Variants in SH2D3C observed in about 807,000 individuals in gnomAD.
SH2D3C encodes SH2 domain containing 3C.
In SH2D3C, 25 loss-of-function variants were observed where a neutral mutation model predicts 75.2. That is an observed-to-expected ratio of 0.33 (90% confidence interval 0.24 to 0.46). The LOEUF (loss-of-function observed/expected upper bound fraction) is 0.46. Ranked by LOEUF, SH2D3C falls within the 20% of genes least tolerant of loss-of-function variation. SH2D3C has a pLI of 1.00. For missense variants in SH2D3C, 933 were observed against 1,165.3 expected (o/e 0.80, Z 2.90); for synonymous variants, 450 against 473.7 (o/e 0.95, Z 0.65).
rs536525191 is a variant in SH2D3C at position 127,738,535 on chromosome 9, T to C, written c.*211A>G. 9 of 423,486 alleles carry C rather than the reference T, an allele frequency of 2.1e-5. No homozygotes were observed. The highest frequency in any genetic ancestry group is 3.3e-5 in the Non-Finnish European group (8 of 244,568). 26.2% of individuals were successfully genotyped at this position (423,486 alleles called of 1,614,324 possible). Reference sequence around the variant, plus strand: ...AAGCTGGTGGGGGAACCGGCGTTCCTGTTCTTCCTCAATGGAGACCTGGTG... The same window carrying C: ...AAGCTGGTGGGGGAACCGGCGTTCCCGTTCTTCCTCAATGGAGACCTGGTG... On this transcript the variant is annotated 3_prime_UTR_variant, in exon 12 of 12. Transcript: ENST00000314830. The surrounding 1 kb of genome is among the most constrained non-coding windows in gnomAD (Gnocchi z 5.0).
At position 127,742,943 on chromosome 9, in the gene SH2D3C, T is replaced by C. The variant is rs772926498; in HGVS notation, c.1822A>G (p.Thr608Ala). The C allele has an allele frequency of 1.2e-5, 20 of 1,613,552 alleles. No homozygotes were observed. In the East Asian group the frequency reaches 3.6e-4, roughly 29 times the overall value. ...CCCATTAGGGTCTGCATCTCCTTGG[T>C]AACGCCCAGTATCCTAGCAACCTGC... ...DCLVARILGV[T>A]KEMQTLMGVR... The change falls in exon 8 of 12, where the codon ACC becomes GCC. Residue 608 changes from threonine to alanine, a missense_variant. Coordinates refer to ENST00000314830, the MANE Select transcript of SH2D3C (RefSeq NM_170600.3).
At position 127,747,138 on chromosome 9, in the gene SH2D3C, T is replaced by C; in HGVS notation, c.1264+9A>G. 6.2e-7 allele frequency: 1 copy of C among 1,612,480 alleles called. No homozygotes were observed. Among genetic ancestry groups the C allele is most frequent in the Non-Finnish European group, 8.5e-7 (1 of 1,179,460 alleles). ...CCTCCACCTGCTCCACCCCCTCTGCTGGCCATACCAGTGCTGTAGGCAGGG... is the reference window on the plus strand; with the variant it reads ...CCTCCACCTGCTCCACCCCCTCTGCCGGCCATACCAGTGCTGTAGGCAGGG... On this transcript the variant is annotated intron_variant, in intron 6 of 11. Transcript: ENST00000314830.
At chr9:127,753,651 TCTCTCC>T (rs199738970) in intron 3 of SH2D3C, among the ~76,000 whole-genome samples, 1,645 of 152,292 alleles carry the variant, frequency 0.011, 11 homozygotes, top group Middle Eastern at 0.017. Flanking sequence ...GTCCCTGGTC[TCTCTCC>T]CTCTCACTCT....
Position 127,754,929 on chromosome 9 carries a change from C to A in SH2D3C, c.556-3629G>T. On this transcript the variant is annotated intron_variant, in intron 3 of 11. Coordinates refer to ENST00000314830, the MANE Select transcript of SH2D3C (RefSeq NM_170600.3). The surrounding 1 kb of genome is among the most constrained non-coding windows in gnomAD (Gnocchi z 4.4). ...CCCAGAGGTGAGGCTGGGGTGACCC[C>A]GCCCCCTCCCCGGGTCGGCCGGGCC... 2.0e-6 allele frequency: 1 copy of A among 512,330 alleles called. No individual in the cohort carries two copies. The allele number at this position is 512,330 out of a possible 1,614,324, so 31.7% of individuals were successfully genotyped here. A position where few individuals can be genotyped will look rare whatever the true frequency, so the allele number is the denominator to read the frequency against.
At chr9:127,765,884 G>A (rs747278848) in intron 2 of SH2D3C, among the ~76,000 whole-genome samples, 4 of 152,078 alleles carry the variant, frequency 2.6e-5, no homozygotes, top group Non-Finnish European at 4.4e-5. Context: ...AGTGATAATT[G>A]AGCTAAATCA....
chr9:127,751,922 T>C lies in SH2D3C; in HGVS notation c.556-622A>G, dbSNP rs1845213670. On this transcript the variant is annotated intron_variant, in intron 3 of 11. Coordinates refer to ENST00000314830, the MANE Select transcript of SH2D3C (RefSeq NM_170600.3). This position sits in a 1 kb window ranked among gnomAD's most constrained non-coding sequence, Gnocchi z 4.1. Reference sequence around the variant, plus strand: ...TACAATGCAAGGGTGGGGAAGGGACTATAAACAGGGACACGGGGACCCCAA... The same window carrying C: ...TACAATGCAAGGGTGGGGAAGGGACCATAAACAGGGACACGGGGACCCCAA... 6.6e-6 allele frequency among the ~76,000 whole-genome samples: 1 copy of C among 152,120 alleles called. No individual in the cohort carries two copies. The highest frequency in any genetic ancestry group is 2.4e-5 in the African/African-American group (1 of 41,416).
intron 8 of SH2D3C, among the ~76,000 whole-genome samples, chr9:127,742,445 C>T (rs1006552157): frequency 6.6e-6 from 1 of 152,208 alleles, no homozygotes; most frequent in Admixed American, 6.5e-5. Context: ...CCATGCTGGC[C>T]AGGCTGGTGT....
chr9:127,766,269 C>T (rs4836579), intron 2 of SH2D3C, among the ~76,000 whole-genome samples: 76,436 of 152,150 alleles, frequency 0.5, 20,496 homozygotes, highest in East Asian at 0.91. Flanking sequence ...CCTGGACATA[C>T]GTCCTCAAGT....
intron 2 of SH2D3C, among the ~76,000 whole-genome samples, chr9:127,768,757 A>C (rs2131804805): frequency 6.6e-6 from 1 of 151,748 alleles, no homozygotes; most frequent in African/African-American, 2.4e-5. Flanking sequence ...TCCCATTTCC[A>C]TCCCAGCCTC....
intron 2 of SH2D3C, among the ~76,000 whole-genome samples, chr9:127,762,986 C>T (rs1471099068): frequency 2.0e-5 from 3 of 152,344 alleles, no homozygotes; most frequent in South Asian, 2.1e-4. Flanking sequence ...TGCTGGTACC[C>T]GACAGCCACC....
intron 2 of SH2D3C, among the ~76,000 whole-genome samples, chr9:127,768,990 C>T (rs1845685790): frequency 1.3e-5 from 2 of 152,336 alleles, no homozygotes; most frequent in South Asian, 4.1e-4. Context: ...ATTGGCACCA[C>T]CAGCCACTCC....
chr9:127,774,429 G>A lies in SH2D3C; in HGVS notation c.76C>T (p.Leu26Phe). 1 of 1,610,880 alleles carries A rather than the reference G, an allele frequency of 6.2e-7. No homozygotes were observed. Among genetic ancestry groups the A allele is most frequent in the South Asian group, 1.1e-5 (1 of 91,016 alleles). ...KFKGFGSLSN[L>F]PRSFTLRRSS... The stretch of plus-strand genomic sequence containing the variant: ...CGTCTCAGAGTGAAGGACCGAGGGA[G>A]GTTGGAGAGACTCCCAAAGCCCTTG... Residue 26 changes from leucine (L) to phenylalanine (F), a missense_variant, in exon 2 of 12, where the codon CTC (leucine) becomes TTC (phenylalanine). Physicochemically the swap from Leu to Phe is conservative, Grantham distance 22. Coordinates refer to ENST00000314830, the MANE Select transcript of SH2D3C (RefSeq NM_170600.3). This position sits in a 1 kb window ranked among gnomAD's most constrained non-coding sequence, Gnocchi z 4.3.
In SH2D3C at chr9:127,751,421, A is replaced by G; in HGVS notation, c.556-121T>C. 1.1e-6 allele frequency: 1 copy of G among 949,920 alleles called. No homozygotes were observed. The highest frequency in any genetic ancestry group is 1.6e-6 in the Non-Finnish European group (1 of 611,180). 58.8% of individuals were successfully genotyped at this position (949,920 alleles called of 1,614,324 possible). A position where few individuals can be genotyped will look rare whatever the true frequency, so the allele number is the denominator to read the frequency against. On this transcript the variant is annotated intron_variant, in intron 3 of 11. Transcript: ENST00000314830. The surrounding 1 kb of genome is among the most constrained non-coding windows in gnomAD (Gnocchi z 4.1). The stretch of plus-strand genomic sequence containing the variant: ...TGGGACTCTGGGAACACTAAGGCAC[A>G]GGTGCCAGACCCTTTCCCATGGGTC...
chr9:127,774,729 A>G lies in SH2D3C; in HGVS notation c.38-262T>C, dbSNP rs1255667283. 3.3e-5 allele frequency among the ~76,000 whole-genome samples: 5 copies of G among 152,166 alleles called. No homozygotes were observed. The highest frequency in any genetic ancestry group is 9.7e-5 in the African/African-American group (4 of 41,442). On this transcript the variant is annotated intron_variant, in intron 1 of 11. Coordinates refer to ENST00000314830, the MANE Select transcript of SH2D3C (RefSeq NM_170600.3). The surrounding 1 kb of genome is among the most constrained non-coding windows in gnomAD (Gnocchi z 4.3). ...CAAGTCACTTGACCTCTCTAAGCTT[A>G]GCCTCATTCTCCACATCAGTAAAAT...
chr9:127,755,517 G>A (rs1259628693), intron 3 of SH2D3C, among the ~76,000 whole-genome samples: 1 of 152,202 alleles, frequency 6.6e-6, no homozygotes, highest in Non-Finnish European at 1.5e-5. Context: ...CCATGGGCCA[G>A]CGAGGGGAGG....
In SH2D3C at chr9:127,739,391, T is replaced by C. The variant is rs996508900; in HGVS notation, c.2407+291A>G. Among the ~76,000 whole-genome samples the C allele has an allele frequency of 6.6e-6, 1 of 152,034 alleles. No homozygotes were observed. Among genetic ancestry groups the C allele is most frequent in the Non-Finnish European group, 1.5e-5 (1 of 68,012 alleles). ...CAGGTATGGTGGCTCACGCCTGTAA[T>C]TGCAGCTACTCGGGAGGCTGAGGCA... On this transcript the variant is annotated intron_variant, in intron 11 of 11. Coordinates refer to ENST00000314830, the MANE Select transcript of SH2D3C (RefSeq NM_170600.3). This position sits in a 1 kb window ranked among gnomAD's most constrained non-coding sequence, Gnocchi z 4.3.
Position 127,744,903 on chromosome 9 carries a change from G to A in SH2D3C, c.1461C>T (p.Tyr487=). Residue 487 remains tyrosine, a synonymous_variant, in exon 7 of 12, where the codon TAC becomes TAT. Coordinates refer to ENST00000314830, the MANE Select transcript of SH2D3C (RefSeq NM_170600.3). ...KASPSPSLSS[Y]SDPDSGHYCQ... is the part of the protein sequence containing the mutation. ...AGTAGTGGCCAGAGTCCGGGTCACTGTAGCTGCTGAGTGATGGTGACGGGG... is the reference window on the plus strand; with the variant it reads ...AGTAGTGGCCAGAGTCCGGGTCACTATAGCTGCTGAGTGATGGTGACGGGG... 2.5e-6 allele frequency: 4 copies of A among 1,610,538 alleles called. No individual in the cohort carries two copies. The highest frequency in any genetic ancestry group is 2.5e-6 in the Non-Finnish European group (3 of 1,177,640).
intron 1 of SH2D3C, among the ~76,000 whole-genome samples, chr9:127,777,642 C>T (rs1829048020): frequency 6.6e-6 from 1 of 152,168 alleles, no homozygotes; most frequent in Non-Finnish European, 1.5e-5. Flanking sequence ...GTGCGAATGC[C>T]TCCCCTGCCC....
chr9:127,762,566 T>G (rs1233378942), intron 2 of SH2D3C: 1 of 388,176 alleles, frequency 2.6e-6, no homozygotes, highest in East Asian at 7.9e-5. Flanking sequence ...CGTCTTCCAT[T>G]CAGCTCCACG....
Sources: gnomAD v4.1 joint callset for allele counts (sites outside exome capture counted in the v4.1 genomes callset) on GRCh38, gnomAD v4.1.1 for gene constraint, Gnocchi (gnomAD v3.1) non-coding constraint, MANE v1.5 for transcripts, NCBI Gene and HGNC (gene_info 2026-07-23, HGNC 2026-07-21) for gene names.